The following WWOX variants were observed in gnomAD, a reference collection of about 807,000 sequenced individuals.
WWOX encodes WW domain-containing oxidoreductase.
Under a neutral mutation model 46.2 loss-of-function variants are expected in WWOX, and 69 were observed. That is an observed-to-expected ratio of 1.49 (90% CI 1.23 to 1.82). The LOEUF is 1.82. Among genes scored for constraint, WWOX ranks in the 40% most tolerant of loss-of-function variants. The probability of loss-of-function intolerance (pLI) is 0.00; values close to 1 mark genes in which losing one functional copy is unlikely to be tolerated. For missense variants in WWOX, 919 were observed against 542.6 expected (o/e 1.69, Z -6.89); for synonymous variants, 359 against 202.6 (o/e 1.77, Z -6.56).
intron 8 of WWOX, among the ~76,000 whole-genome samples, chr16:78,864,907 C>G (rs1045167547): frequency 1.3e-5 from 2 of 151,536 alleles, no homozygotes; most frequent in African/African-American, 2.4e-5. Context: ...GGACCACAGG[C>G]GTGCACCACC....
chr16:78,973,566 C>T (rs1021051389), intron 8 of WWOX, among the ~76,000 whole-genome samples: 1 of 151,918 alleles, frequency 6.6e-6, no homozygotes, highest in Non-Finnish European at 1.5e-5. Context: ...TTTTTGGGGG[C>T]AGGGGGCACA....
At chr16:79,070,704 A>G (rs2048534066) in intron 8 of WWOX, among the ~76,000 whole-genome samples, 1 of 152,184 alleles carries the variant, frequency 6.6e-6, no homozygotes, top group Admixed American at 6.5e-5. Flanking sequence ...TTCTTCCTTT[A>G]GTCAGTGGTG....
At chr16:78,368,052 C>T (rs574763144) in intron 5 of WWOX, among the ~76,000 whole-genome samples, 11 of 152,264 alleles carry the variant, frequency 7.2e-5, no homozygotes, top group East Asian at 1.9e-4. Flanking sequence ...CCTCTGTGCC[C>T]GGCTTCTGCC....
At chr16:78,221,688 T>G (rs2036893376) in intron 5 of WWOX, among the ~76,000 whole-genome samples, 1 of 152,202 alleles carries the variant, frequency 6.6e-6, no homozygotes, top group Non-Finnish European at 1.5e-5. Flanking sequence ...AGCTAAGCCT[T>G]GTTTGATGAA....
intron 8 of WWOX, among the ~76,000 whole-genome samples, chr16:78,687,181 A>G (rs1277221942): frequency 1.3e-5 from 2 of 152,194 alleles, no homozygotes; most frequent in Non-Finnish European, 2.9e-5. Flanking sequence ...ACACTGTTCA[A>G]CACAGTTCTC....
At chr16:78,410,604 G>C (rs117285279) in intron 6 of WWOX, among the ~76,000 whole-genome samples, 1 of 151,918 alleles carries the variant, frequency 6.6e-6, no homozygotes, top group Non-Finnish European at 1.5e-5. Flanking sequence ...GAGGTTAGGA[G>C]TTTGAGACCA....
chr16:78,849,691 C>T (rs926543973), intron 8 of WWOX, among the ~76,000 whole-genome samples: 1 of 152,062 alleles, frequency 6.6e-6, no homozygotes, highest in Non-Finnish European at 1.5e-5. Context: ...TGTTTCCCTC[C>T]CTAGACTAGA....
intron 8 of WWOX, among the ~76,000 whole-genome samples, chr16:78,675,498 A>G (rs1041663437): frequency 2.6e-5 from 4 of 152,156 alleles, no homozygotes; most frequent in African/African-American, 4.8e-5. Context: ...GGTTGTAAGC[A>G]CTTACAACTA....
chr16:78,641,943 A>C (rs1212410868), intron 8 of WWOX, among the ~76,000 whole-genome samples: 1 of 152,182 alleles, frequency 6.6e-6, no homozygotes, highest in Non-Finnish European at 1.5e-5. Flanking sequence ...CAGACACGGA[A>C]AAAAGGATTA....
At chr16:78,902,681 CA>C (rs1309003555) in intron 8 of WWOX, among the ~76,000 whole-genome samples, 2 of 152,222 alleles carry the variant, frequency 1.3e-5, no homozygotes, top group East Asian at 3.9e-4. Context: ...AGGGCAAGAC[CA>C]CAGCAGCTCA....
chr16:78,424,879 T>C lies in WWOX; in HGVS notation c.615T>C (p.His205=), dbSNP rs1454583778. 1.9e-6 allele frequency: 3 copies of C among 1,614,210 alleles called. No homozygotes were observed. The highest frequency in any genetic ancestry group is 2.2e-5 in the East Asian group (1 of 44,868). The change falls in exon 7 of 9, where the codon CAT becomes CAC. Residue 205 remains histidine, a synonymous_variant. Coordinates refer to ENST00000566780, the MANE Select transcript of WWOX (RefSeq NM_016373.4). ...ATATTTTATTTTTCAGGCCTCTTCA[T>C]GTGCTTGTGTGCAACGCAGCAACTT... ...EAFKAKNVPL[H]VLVCNAATFA...
chr16:78,813,719 T>C (rs2051258512), intron 8 of WWOX, among the ~76,000 whole-genome samples: 1 of 152,228 alleles, frequency 6.6e-6, no homozygotes. Context: ...TACCTGATAC[T>C]TACTGCTTTC....
In WWOX at chr16:78,129,561, T is replaced by C. The variant is rs537505831; in HGVS notation, c.409+14407T>C. ...TAAGGGAGGTGGACATTTTTGTGTT[T>C]GCTTATTTCCATAAGCTCAAGGGTA... On this transcript the variant is annotated intron_variant, in intron 4 of 8. Transcript: ENST00000566780. 7.1e-4 allele frequency among the ~76,000 whole-genome samples: 108 copies of C among 152,314 alleles called. 1 individual carries two copies. Among genetic ancestry groups the C allele is most frequent in the African/African-American group, 2.4e-3 (101 of 41,560 alleles).
chr16:78,436,433 T>G (rs1485350323), intron 8 of WWOX, among the ~76,000 whole-genome samples: 1 of 152,184 alleles, frequency 6.6e-6, no homozygotes, highest in Non-Finnish European at 1.5e-5. Flanking sequence ...ATAGCAGCTT[T>G]TATATGTCAC....
At chr16:78,610,617 C>T (rs898012101) in intron 8 of WWOX, among the ~76,000 whole-genome samples, 1 of 150,770 alleles carries the variant, frequency 6.6e-6, no homozygotes. Flanking sequence ...TTCTGAAAGT[C>T]TGTTTATATC....
chr16:78,508,083 C>T (rs1474212444), intron 8 of WWOX, among the ~76,000 whole-genome samples: 4 of 151,880 alleles, frequency 2.6e-5, no homozygotes, highest in African/African-American at 9.7e-5. Context: ...TCTTAGCTCA[C>T]TGCATCCTCT....
intron 8 of WWOX, among the ~76,000 whole-genome samples, chr16:79,012,170 G>A (rs911123309): frequency 1.3e-5 from 2 of 152,096 alleles, no homozygotes; most frequent in Admixed American, 6.5e-5. Flanking sequence ...TCTCTGCCCT[G>A]TCCAGTATAA....
At chr16:78,908,149 G>T (rs894535636) in intron 8 of WWOX, among the ~76,000 whole-genome samples, 1 of 152,168 alleles carries the variant, frequency 6.6e-6, no homozygotes, top group Non-Finnish European at 1.5e-5. Context: ...GTGTGTGGCA[G>T]TGTCACAACT....
At chr16:78,516,807 A>C (rs1319927805) in intron 8 of WWOX, among the ~76,000 whole-genome samples, 1 of 152,186 alleles carries the variant, frequency 6.6e-6, no homozygotes, top group African/African-American at 2.4e-5. Flanking sequence ...GAAAACTACT[A>C]AGAGAAGAGA....
Sources: gnomAD v4.1 joint callset for allele counts (sites outside exome capture counted in the v4.1 genomes callset) on GRCh38, gnomAD v4.1.1 for gene constraint, MANE v1.5 for transcripts, NCBI Gene and HGNC (gene_info 2026-07-23, HGNC 2026-07-21) for gene names.